The following SMARCA5 variants were observed in gnomAD, a reference collection of about 807,000 sequenced individuals.
The protein encoded by SMARCA5 is SWI/SNF-related matrix-associated actin-dependent regulator of chromatin subfamily A member 5.
A neutral mutation model predicts 140.4 loss-of-function variants in SMARCA5; 18 were observed. The observed-to-expected ratio is 0.13, with a 90% CI of 0.09 to 0.19. The LOEUF (loss-of-function observed/expected upper bound fraction) is 0.19. Ranked by LOEUF, SMARCA5 falls within the 10% of genes least tolerant of loss-of-function variation. The pLI is 1.00. For missense variants in SMARCA5, 606 were observed against 1,276.8 expected (o/e 0.47, Z 8.01); for synonymous variants, 449 against 419.6 (o/e 1.07, Z -0.86).
rs376249658 is a variant in SMARCA5, at chr4:143,536,698, A to C, written c.1495+20A>C. 6.5e-7 allele frequency: 1 copy of C among 1,533,390 alleles called. No homozygotes were observed. 95.0% of individuals were successfully genotyped at this position (1,533,390 alleles called of 1,614,324 possible). ...AACAAGGTATCGGTTACCCGTATCAAATTATCAAAACTGTTTTAAAATGCT... is the reference window on the plus strand; with the variant it reads ...AACAAGGTATCGGTTACCCGTATCACATTATCAAAACTGTTTTAAAATGCT... On this transcript the variant is annotated intron_variant, in intron 11 of 23. Coordinates refer to ENST00000283131, the MANE Select transcript of SMARCA5 (RefSeq NM_003601.4).
chr4:143,521,437 C>A lies in SMARCA5; in HGVS notation c.261C>A (p.Asp87Glu). 1 of 1,591,052 alleles carries A rather than the reference C, an allele frequency of 6.3e-7. No homozygotes were observed. The highest frequency in any genetic ancestry group is 8.5e-7 in the Non-Finnish European group (1 of 1,170,634). ...DPTYEEKMQTDRANRFEYLLK... is the reference protein window; with the variant it reads ...DPTYEEKMQTERANRFEYLLK... ...AAATTTTTTTTTTTCAGCAAACTGA[C>A]CGGGCAAATAGATTCGAGTATTTAT... Residue 87 changes from aspartate (D) to glutamate (E), a missense_variant, in exon 3 of 24, where the codon GAC (aspartate) becomes GAA (glutamate). Asp to Glu is a conservative substitution (Grantham distance 45, BLOSUM62 2). This residue lies in a region of SMARCA5 where 164 missense variants were observed against 128.4 expected (regional missense o/e 1.28). Coordinates refer to ENST00000283131, the MANE Select transcript of SMARCA5 (RefSeq NM_003601.4).
intron 11 of SMARCA5, 51 bp from the exon 12 acceptor site, chr4:143,538,539 A>G (rs1737361281): frequency 2.6e-6 from 4 of 1,547,474 alleles, no homozygotes; most frequent in Non-Finnish European, 3.5e-6. Context: ...TTACCCTTAA[A>G]TTTTTCTACT....
intron 8 of SMARCA5, 119 bp downstream of exon 8, chr4:143,528,833 T>G (rs965534172): frequency 2.5e-6 from 2 of 811,768 alleles, no homozygotes; most frequent in African/African-American, 3.5e-5. Flanking sequence ...TTTTTTATGC[T>G]TTTATTTACA....
At chr4:143,525,388 A>G (rs985933146) in intron 4 of SMARCA5, 63 bp from the exon 5 acceptor site, 2 of 970,170 alleles carry the variant, frequency 2.1e-6, no homozygotes, top group East Asian at 2.4e-5. Context: ...GTAGGCTTAG[A>G]TGAAGAGATT....
In SMARCA5 at chr4:143,545,458, G is replaced by C; in HGVS notation, c.2284-12G>C. 6.4e-7 allele frequency: 1 copy of C among 1,559,176 alleles called. No homozygotes were observed. The highest frequency in any genetic ancestry group is 8.8e-7 in the Non-Finnish European group (1 of 1,132,686). Reference sequence around the variant, plus strand: ...TTTTTTATGGATAACACTTATTTTTGTTTTTCTTTAGGCTCCTCGACCTCC... The same window carrying C: ...TTTTTTATGGATAACACTTATTTTTCTTTTTCTTTAGGCTCCTCGACCTCC... On this transcript the variant is annotated splice_polypyrimidine_tract_variant and intron_variant, in intron 17 of 23. Coordinates refer to ENST00000283131, the MANE Select transcript of SMARCA5 (RefSeq NM_003601.4).
rs1012463645 is a variant in SMARCA5 at position 143,536,684 on chromosome 4, G to A, written c.1495+6G>A. 3.8e-6 allele frequency: 6 copies of A among 1,583,996 alleles called. No individual in the cohort carries two copies. The highest frequency in any genetic ancestry group is 2.7e-5 in the African/African-American group (2 of 74,196). On this transcript the variant is annotated splice_donor_region_variant and intron_variant, in intron 11 of 23. Coordinates refer to ENST00000283131, the MANE Select transcript of SMARCA5 (RefSeq NM_003601.4). ...CCCTAAGTTAAAAGAACAAGGTATC[G>A]GTTACCCGTATCAAATTATCAAAAC...
Position 143,538,688 on chromosome 4 carries a change from C to A in SMARCA5, c.1594C>A (p.Gln532Lys). Residue 532 changes from glutamine to lysine, a missense_variant, in exon 12 of 24, where the codon CAG becomes AAG. Transcript: ENST00000283131. ...TTATGAGTACTGCAGGTTGGATGGT[C>A]AGACACCCCATGATGAGAGACAAGT... The part of the protein sequence containing the change: ...RNYEYCRLDG[Q>K]TPHDERQDSI... The A allele has an allele frequency of 1.2e-6, 2 of 1,613,932 alleles. No individual in the cohort carries two copies. The highest frequency in any genetic ancestry group is 2.2e-5 in the South Asian group (2 of 91,030).
chr4:143,541,081 A>G (rs773037431), intron 14 of SMARCA5, among the ~76,000 whole-genome samples: 3 of 152,186 alleles, frequency 2.0e-5, no homozygotes, highest in Non-Finnish European at 4.4e-5. Flanking sequence ...CAAGGGTATA[A>G]GTAGGAGTAG....
chr4:143,524,151 G>T (rs576407452), intron 3 of SMARCA5, among the ~76,000 whole-genome samples: 1 of 151,954 alleles, frequency 6.6e-6, no homozygotes, highest in Non-Finnish European at 1.5e-5. Context: ...TTAATGTATC[G>T]TACTGGTGTA....
At position 143,513,817 on chromosome 4, in the gene SMARCA5, T is replaced by A. The variant is rs867921723; in HGVS notation, c.-108T>A. 14 of 1,303,018 alleles carry A rather than the reference T, an allele frequency of 1.1e-5. No homozygotes were observed. The Middle Eastern group carries it at 2.1e-3, about 198-fold the overall frequency. The allele number at this position is 1,303,018 out of a possible 1,614,324, so 80.7% of individuals were successfully genotyped here. On this transcript the variant is annotated 5_prime_UTR_variant, in exon 1 of 24. Transcript: ENST00000283131. ...GCAGGGGAGCGCTCGGGTGGGAGTCTCGCTCCTCCACCAGTTTATTGCGAC... is the reference window on the plus strand; with the variant it reads ...GCAGGGGAGCGCTCGGGTGGGAGTCACGCTCCTCCACCAGTTTATTGCGAC...
At chr4:143,527,507 C>A (rs1234934613) in intron 6 of SMARCA5, among the ~76,000 whole-genome samples, 1 of 151,996 alleles carries the variant, frequency 6.6e-6, no homozygotes, top group Non-Finnish European at 1.5e-5. Context: ...CCTACTACTG[C>A]TAACTATCTT....
At chr4:143,518,118 T>C (rs750876345) in intron 2 of SMARCA5, among the ~76,000 whole-genome samples, 6 of 152,168 alleles carry the variant, frequency 3.9e-5, no homozygotes, top group Non-Finnish European at 7.4e-5. Flanking sequence ...AAAAGAAATA[T>C]GCTCCTTGTT....
Position 143,513,915 on chromosome 4 carries a change from A to C in SMARCA5, c.-10A>C, listed in dbSNP as rs1454936719. 9 of 1,539,894 alleles carry C rather than the reference A, an allele frequency of 5.8e-6. No individual in the cohort carries two copies. In the Admixed American group the frequency reaches 1.7e-4, roughly 29 times the overall value. On this transcript the variant is annotated 5_prime_UTR_variant, in exon 1 of 24. Coordinates refer to ENST00000283131, the MANE Select transcript of SMARCA5 (RefSeq NM_003601.4). ...CCTCTGGCAGCAGCGGGTGACGCAG[A>C]CGGAACATCATGTCGTCCGCGGCCG...
At chr4:143,542,165 C>G (rs569130906) in intron 14 of SMARCA5, among the ~76,000 whole-genome samples, 2 of 152,146 alleles carry the variant, frequency 1.3e-5, no homozygotes, top group South Asian at 4.2e-4. Flanking sequence ...GTCCAAAACA[C>G]TTTTTTTAAA....
chr4:143,541,236 G>T (rs756888951), intron 14 of SMARCA5, among the ~76,000 whole-genome samples: 5 of 152,142 alleles, frequency 3.3e-5, no homozygotes, highest in Non-Finnish European at 5.9e-5. Context: ...CAAGAAAAGG[G>T]GTGGGAAACT....
In SMARCA5 at chr4:143,530,523, T is replaced by C. The variant is rs760028370; in HGVS notation, c.1155T>C (p.His385=). ...ATCAAAAACTAGTTGAGAGGCTTCA[T>C]ATGGTAAGTATTTTGGAGTAGTGTT... ...LGDQKLVERL[H]MVLRPFLLRR... Residue 385 remains histidine (H), a synonymous_variant, in exon 9 of 24, where the codon CAT becomes CAC. Coordinates refer to ENST00000283131, the MANE Select transcript of SMARCA5 (RefSeq NM_003601.4). The C allele has an allele frequency of 6.8e-6, 11 of 1,606,472 alleles. No individual in the cohort carries two copies. In the Admixed American group the frequency reaches 1.2e-4, roughly 17 times the overall value.
intron 22 of SMARCA5, among the ~76,000 whole-genome samples, chr4:143,548,459 G>T (rs1737574805): frequency 6.6e-6 from 1 of 151,962 alleles, no homozygotes; most frequent in South Asian, 2.1e-4. Flanking sequence ...AATGGTCCTT[G>T]CATTCAAGCA....
rs1737071049 is a variant in SMARCA5 at position 143,526,310 on chromosome 4, T to G, written c.651T>G (p.Ser217=). ...TAGGAAAGACTCTTCAAACAATTTC[T>G]CTTCTTGGGTACATGAAACATTATA... The part of the protein sequence containing the change: ...MGLGKTLQTI[S]LLGYMKHYRN... Residue 217 remains serine, a synonymous_variant, in exon 6 of 24, where the codon TCT becomes TCG. Coordinates refer to ENST00000283131, the MANE Select transcript of SMARCA5 (RefSeq NM_003601.4). The G allele has an allele frequency of 1.2e-6, 2 of 1,613,894 alleles. No individual in the cohort carries two copies. The highest frequency in any genetic ancestry group is 1.7e-6 in the Non-Finnish European group (2 of 1,179,930).
rs775944383 is a variant in SMARCA5 at position 143,556,256 on chromosome 4, C to T, written c.*3072C>T. ...ATTTAATATATGCCGATTGTTTGAA[C>T]TAATCTGGATTTAATTATATAAATG... On this transcript the variant is annotated 3_prime_UTR_variant, in exon 24 of 24. Coordinates refer to ENST00000283131, the MANE Select transcript of SMARCA5 (RefSeq NM_003601.4). The T allele has an allele frequency of 6.6e-6, 1 of 152,170 alleles. No homozygotes were observed. The highest frequency in any genetic ancestry group is 1.5e-5 in the Non-Finnish European group (1 of 68,040). The allele number at this position is 152,170 out of a possible 1,614,324, so 9.4% of individuals were successfully genotyped here. A position where few individuals can be genotyped will look rare whatever the true frequency, so the allele number is the denominator to read the frequency against.
Sources: allele counts gnomAD v4.1 joint callset (sites outside exome capture counted in the v4.1 genomes callset), GRCh38; gene constraint gnomAD v4.1.1; regional missense constraint gnomAD v4.1.1; transcripts MANE v1.5; gene names NCBI Gene and HGNC (gene_info 2026-07-23, HGNC 2026-07-21).